Variants in FAM83B observed in about 807,000 individuals in gnomAD.
The protein encoded by FAM83B is scaffolding CK1 anchoring protein B, also known as protein FAM83B.
Under a neutral mutation model 38.8 loss-of-function variants are expected in FAM83B, and 26 were observed. The ratio of observed to expected loss-of-function variants is 0.67; its 90% CI spans 0.49 to 0.93. FAM83B has a LOEUF of 0.93. FAM83B is among the 40% of genes least tolerant of loss of function. The pLI, the probability that FAM83B is intolerant of heterozygous loss-of-function variation, is 0.00. For synonymous variants in FAM83B, 419 were observed against 423.1 expected, an observed-to-expected ratio of 0.99 and a Z score of 0.12; for missense variants, 1,237 against 1,197.3, an observed-to-expected ratio of 1.03 and a Z score of -0.49.
Position 54,939,979 on chromosome 6 carries a change from C to T in FAM83B, c.1008C>T (p.Tyr336=), listed in dbSNP as rs778175377. 12 of 1,614,020 alleles carry T rather than the reference C, an allele frequency of 7.4e-6. No homozygotes were observed. In the South Asian group the frequency reaches 1.1e-4, roughly 15 times the overall value. ...AGATTCATAAACTAGATTCCAGTTACTTCAAAAACAGAGGGATATATACTT... is the reference window on the plus strand; with the variant it reads ...AGATTCATAAACTAGATTCCAGTTATTTCAAAAACAGAGGGATATATACTT... The part of the protein sequence containing the change: ...QDKIHKLDSS[Y]FKNRGIYTLN... The change falls in exon 5 of 5, where the codon TAC becomes TAT. Residue 336 remains tyrosine (Y), a synonymous_variant. Transcript: ENST00000306858.
chr6:54,907,033 C>T (rs769134030), intron 2 of FAM83B, among the ~76,000 whole-genome samples: 1 of 152,094 alleles, frequency 6.6e-6, no homozygotes, highest in Non-Finnish European at 1.5e-5. Flanking sequence ...TAAGGGTGAA[C>T]AGTAGCATCA....
At chr6:54,874,341 A>T (rs1048033048) in intron 2 of FAM83B, among the ~76,000 whole-genome samples, 3 of 152,036 alleles carry the variant, frequency 2.0e-5, no homozygotes, top group Admixed American at 6.5e-5. Context: ...TCAATTGTAG[A>T]TAATATCTTA....
At chr6:54,859,677 G>A (rs1035203287) in intron 1 of FAM83B, among the ~76,000 whole-genome samples, 8 of 152,174 alleles carry the variant, frequency 5.3e-5, no homozygotes, top group Non-Finnish European at 1.0e-4. Context: ...GACACTGTGT[G>A]TCAGTGAGCT....
intron 1 of FAM83B, among the ~76,000 whole-genome samples, chr6:54,865,173 C>T (rs1437909889): frequency 6.6e-6 from 1 of 152,158 alleles, no homozygotes; most frequent in Non-Finnish European, 1.5e-5. Flanking sequence ...TTCTGTTATG[C>T]TTCTGAAGTC....
At chr6:54,925,340 C>A (rs916726640) in intron 2 of FAM83B, among the ~76,000 whole-genome samples, 2 of 152,124 alleles carry the variant, frequency 1.3e-5, no homozygotes, top group African/African-American at 4.8e-5. Flanking sequence ...TCTTCCCCCA[C>A]TAGAATGTAA....
At chr6:54,933,843 C>A (rs1251461828) in intron 4 of FAM83B, among the ~76,000 whole-genome samples, 2 of 152,120 alleles carry the variant, frequency 1.3e-5, no homozygotes, top group African/African-American at 4.8e-5. Context: ...GCACTGAAGA[C>A]AAGCCAGAAT....
At chr6:54,905,962 T>C (rs1388267515) in intron 2 of FAM83B, among the ~76,000 whole-genome samples, 2 of 152,046 alleles carry the variant, frequency 1.3e-5, no homozygotes, top group Non-Finnish European at 2.9e-5. Context: ...TTTTCCTCTT[T>C]CTTTTCATGG....
intron 2 of FAM83B, among the ~76,000 whole-genome samples, chr6:54,919,974 A>C (rs1473924034): frequency 6.6e-6 from 1 of 151,982 alleles, no homozygotes; most frequent in Non-Finnish European, 1.5e-5. Flanking sequence ...AAACCAGTAG[A>C]TATATAGATA....
At chr6:54,870,815 G>C (rs1233833685) in intron 2 of FAM83B, 125 bp downstream of exon 2, 1 of 920,036 alleles carries the variant, frequency 1.1e-6, no homozygotes, top group African/African-American at 1.7e-5. Context: ...ATTGTTTTTA[G>C]GAAAGTACCT....
chr6:54,936,313 G>A (rs1773522629), intron 4 of FAM83B, among the ~76,000 whole-genome samples: 2 of 151,994 alleles, frequency 1.3e-5, no homozygotes, highest in Admixed American at 1.3e-4. Context: ...CTCAACACTT[G>A]GAAGTTGTTT....
chr6:54,875,037 A>C (rs1193103476), intron 2 of FAM83B, among the ~76,000 whole-genome samples: 1 of 152,112 alleles, frequency 6.6e-6, no homozygotes, highest in African/African-American at 2.4e-5. Flanking sequence ...TAAAAGTAGA[A>C]CTAGAATAGA....
In FAM83B at chr6:54,886,383, G is replaced by C. The variant is rs188244120; in HGVS notation, c.444+15693G>C. Reference sequence around the variant, plus strand: ...CAACCTTGAATATTAGGAAAGATTTGCCAATTAAGTTATTTGTGCTTAAAG... The same window carrying C: ...CAACCTTGAATATTAGGAAAGATTTCCCAATTAAGTTATTTGTGCTTAAAG... On this transcript the variant is annotated intron_variant, in intron 2 of 4. Coordinates refer to ENST00000306858, the MANE Select transcript of FAM83B (RefSeq NM_001010872.3). 1.7e-3 allele frequency among the ~76,000 whole-genome samples: 259 copies of C among 151,992 alleles called. 3 individuals are homozygous for C. Among genetic ancestry groups the C allele is most frequent in the East Asian group, 0.011 (56 of 5,170 alleles).
chr6:54,933,236 T>C, intron 4 of FAM83B, among the ~76,000 whole-genome samples: 1 of 152,124 alleles, frequency 6.6e-6, no homozygotes, highest in East Asian at 1.9e-4. Context: ...AGTCTGCTGT[T>C]GAATCCTTCT....
chr6:54,926,471 A>G lies in FAM83B; in HGVS notation c.545A>G (p.Glu182Gly). Reference protein sequence around the residue: ...RGVSVYILLDESNFNHFLNMT... With the variant: ...RGVSVYILLDGSNFNHFLNMT... ...GTATCTGTTTACATTCTGCTTGATG[A>G]GTCCAATTTTAATCATTTTCTAAAT... is the stretch of plus-strand genomic sequence containing the variant. The change falls in exon 3 of 5, where the codon GAG becomes GGG. Residue 182 changes from glutamate (E) to glycine (G), a missense_variant. Coordinates refer to ENST00000306858, the MANE Select transcript of FAM83B (RefSeq NM_001010872.3). The G allele has an allele frequency of 6.2e-7, 1 of 1,610,410 alleles. No individual in the cohort carries two copies. The highest frequency in any genetic ancestry group is 8.5e-7 in the Non-Finnish European group (1 of 1,177,678).
intron 1 of FAM83B, among the ~76,000 whole-genome samples, chr6:54,865,765 G>A (rs1293730641): frequency 6.6e-6 from 1 of 152,080 alleles, no homozygotes; most frequent in Non-Finnish European, 1.5e-5. Context: ...CCTATTCAAT[G>A]AATTCTCTCA....
chr6:54,911,647 T>C (rs1440737271), intron 2 of FAM83B, among the ~76,000 whole-genome samples: 1 of 152,112 alleles, frequency 6.6e-6, no homozygotes, highest in Non-Finnish European at 1.5e-5. Context: ...CTGAACTGCT[T>C]CACATTTTAA....
chr6:54,870,128 TA>T, intron 1 of FAM83B, 58 bp from the exon 2 acceptor site: 2 of 745,594 alleles, frequency 2.7e-6, no homozygotes, highest in South Asian at 1.8e-5. Context: ...ATATGTATCA[TA>T]AAACATTCTG....
At chr6:54,876,080 G>T (rs1771986276) in intron 2 of FAM83B, among the ~76,000 whole-genome samples, 1 of 151,830 alleles carries the variant, frequency 6.6e-6, no homozygotes, top group Non-Finnish European at 1.5e-5. Flanking sequence ...AAAGTCTAAG[G>T]ATCCTCAGTG....
chr6:54,917,482 C>T (rs1773072532), intron 2 of FAM83B, among the ~76,000 whole-genome samples: 1 of 152,054 alleles, frequency 6.6e-6, no homozygotes, highest in Non-Finnish European at 1.5e-5. Context: ...TTAATCATTT[C>T]TCACTTTAAT....
Sources: allele counts gnomAD v4.1 joint callset (sites outside exome capture counted in the v4.1 genomes callset), GRCh38; gene constraint gnomAD v4.1.1; transcripts MANE v1.5; gene names NCBI Gene and HGNC (gene_info 2026-07-23, HGNC 2026-07-21).